EPYC: variants seen among roughly 807,000 people sequenced by gnomAD.
EPYC encodes the protein dermatan sulfate proteoglycan 3.
In EPYC, 28 loss-of-function variants were observed where a neutral mutation model predicts 30.1. That is an observed-to-expected ratio of 0.93 (90% CI 0.69 to 1.28). The LOEUF is 1.28. EPYC is among the 50% of genes most tolerant of loss of function. EPYC has a pLI of 0.00. For missense variants in EPYC, 382 were observed against 383.5 expected (o/e 1.00, Z 0.03); for synonymous variants, 144 against 141.4 (o/e 1.02, Z -0.13).
intron 6 of EPYC, among the ~76,000 whole-genome samples, chr12:90,968,940 G>A (rs1166625964): frequency 6.6e-6 from 1 of 150,972 alleles, no homozygotes; most frequent in South Asian, 2.1e-4. Flanking sequence ...TATACAATAG[G>A]CAAGTAAACA....
chr12:91,004,023 C>A (rs1207774990), intron 1 of EPYC, among the ~76,000 whole-genome samples: 1 of 152,068 alleles, frequency 6.6e-6, no homozygotes, highest in Non-Finnish European at 1.5e-5. Flanking sequence ...TTGCAGAAGT[C>A]TTTGCAGGAT....
At chr12:90,970,700 C>T (rs1001457389) in intron 5 of EPYC, among the ~76,000 whole-genome samples, 10 of 152,208 alleles carry the variant, frequency 6.6e-5, no homozygotes, top group African/African-American at 2.4e-4. Flanking sequence ...GCAGACTAGA[C>T]TATGACCCTT....
At chr12:90,982,870 G>A (rs997231256) in intron 2 of EPYC, among the ~76,000 whole-genome samples, 1 of 152,006 alleles carries the variant, frequency 6.6e-6, no homozygotes, top group African/African-American at 2.4e-5. Flanking sequence ...ATACCACATT[G>A]TATTTATCCA....
At chr12:90,984,398 C>T (rs1315157202) in intron 2 of EPYC, among the ~76,000 whole-genome samples, 1 of 152,148 alleles carries the variant, frequency 6.6e-6, no homozygotes, top group Non-Finnish European at 1.5e-5. Context: ...CAGGCATCAA[C>T]AGGCTCACCC....
intron 2 of EPYC, among the ~76,000 whole-genome samples, chr12:91,000,519 G>T (rs1920751): frequency 0.81 from 123,729 of 151,942 alleles, 50,677 homozygotes; most frequent in Non-Finnish European, 0.87. Flanking sequence ...TAAGGAATGG[G>T]TTAAAAGAGC....
At chr12:90,965,380 T>A (rs917938037) in intron 6 of EPYC, among the ~76,000 whole-genome samples, 2 of 152,310 alleles carry the variant, frequency 1.3e-5, no homozygotes, top group East Asian at 3.9e-4. Flanking sequence ...TACTTAGATG[T>A]TGAATTGCTG....
intron 2 of EPYC, 146 bp downstream of exon 2, chr12:91,002,255 T>C (rs896026353): frequency 5.2e-6 from 3 of 577,574 alleles, no homozygotes; most frequent in East Asian, 3.3e-5. Context: ...AGATTGAACA[T>C]GTTTTGGAGA....
chr12:90,995,228 C>G (rs1255285584), intron 2 of EPYC, among the ~76,000 whole-genome samples: 1 of 152,080 alleles, frequency 6.6e-6, no homozygotes. Context: ...TTTGGCAAAG[C>G]TTGCTCAATC....
In EPYC at chr12:90,978,265, GAAAA is replaced by G. The variant is rs66600255; in HGVS notation, c.166-7_166-4del. ...GGCATCACTGTGGCTATTTCAATCT[GAAAA>G]AAAAAAAAAAAAGAGAATTTCTTCA... is the stretch of plus-strand genomic sequence containing the variant. On this transcript the variant is annotated splice_polypyrimidine_tract_variant and splice_region_variant and intron_variant, in intron 2 of 6. Coordinates refer to ENST00000261172, the MANE Select transcript of EPYC (RefSeq NM_004950.5). The G allele has an allele frequency of 2.1e-4, 285 of 1,354,240 alleles. No homozygotes were observed. Among genetic ancestry groups the G allele is most frequent in the Admixed American group, 8.5e-4 (32 of 37,758 alleles). 83.9% of individuals were successfully genotyped at this position (1,354,240 alleles called of 1,614,324 possible).
chr12:90,964,040 G>T lies in EPYC; in HGVS notation c.*116C>A. On this transcript the variant is annotated 3_prime_UTR_variant, in exon 7 of 7. Transcript: ENST00000261172. ...AACATTTTTAATTGTATTTTATGTA[G>T]TCATATCATCTCTCAGAACACAATC... is the stretch of plus-strand genomic sequence containing the variant. The T allele has an allele frequency of 8.1e-6, 6 of 738,802 alleles. No individual in the cohort carries two copies. The highest frequency in any genetic ancestry group is 1.1e-5 in the Non-Finnish European group (5 of 466,302). 45.8% of individuals were successfully genotyped at this position (738,802 alleles called of 1,614,324 possible).
intron 2 of EPYC, among the ~76,000 whole-genome samples, chr12:91,001,737 C>T (rs1225138972): frequency 1.3e-5 from 2 of 152,030 alleles, no homozygotes; most frequent in Non-Finnish European, 2.9e-5. Flanking sequence ...CATCTTTCTC[C>T]TTTACCCCAA....
Position 90,963,766 on chromosome 12 carries a change from A to G in EPYC, c.*390T>C, listed in dbSNP as rs929734827. The G allele has an allele frequency of 6.5e-6, 1 of 153,696 alleles. No homozygotes were observed. The highest frequency in any genetic ancestry group is 2.4e-5 in the African/African-American group (1 of 41,526). The allele number at this position is 153,696 out of a possible 1,614,324, so 9.5% of individuals were successfully genotyped here. A position where few individuals can be genotyped will look rare whatever the true frequency, so the allele number is the denominator to read the frequency against. On this transcript the variant is annotated 3_prime_UTR_variant, in exon 7 of 7. Transcript: ENST00000261172. ...ATGCTTTAGTGAAAAAAAAAGGAAGAGAAAAGTTTAATTAAAAACATCTAA... is the reference window on the plus strand; with the variant it reads ...ATGCTTTAGTGAAAAAAAAAGGAAGGGAAAAGTTTAATTAAAAACATCTAA...
At chr12:90,995,175 T>A (rs2120860514) in intron 2 of EPYC, among the ~76,000 whole-genome samples, 1 of 152,248 alleles carries the variant, frequency 6.6e-6, no homozygotes, top group South Asian at 2.1e-4. Context: ...AAGCTGTATC[T>A]TAAGTTCTAT....
At chr12:91,004,304 C>T (rs1388742334) in intron 1 of EPYC, among the ~76,000 whole-genome samples, 4 of 152,010 alleles carry the variant, frequency 2.6e-5, no homozygotes, top group Non-Finnish European at 4.4e-5. Context: ...TTGCATCACT[C>T]CTAGAGCTAT....
In EPYC at chr12:90,970,096, A is replaced by T. The variant is rs150809530; in HGVS notation, c.746T>A (p.Leu249Ter). 105 of 1,613,910 alleles carry T rather than the reference A, an allele frequency of 6.5e-5. No individual in the cohort carries two copies. Among genetic ancestry groups the T allele is most frequent in the Middle Eastern group, 1.6e-4 (1 of 6,080 alleles). The change falls in exon 6 of 7, where the codon TTG becomes TAG. Residue 249 changes from leucine to a stop codon, truncating the protein, a stop_gained. Transcript: ENST00000261172. LOFTEE classifies it high-confidence loss of function. ...TGGGAGTGGCAGAGGGATGTGGTCC[A>T]AGTTGTTATCAGTGAGGTACAGATG... The part of the protein sequence containing the change: ...LHHLYLTDNN[L>*]DHIPLPLPEN...
intron 2 of EPYC, among the ~76,000 whole-genome samples, chr12:90,983,744 G>A (rs1021891730): frequency 1.3e-5 from 2 of 152,122 alleles, no homozygotes; most frequent in East Asian, 1.9e-4. Context: ...TCTTCTCTGA[G>A]GCTAGTCCTG....
At chr12:90,971,472 C>T (rs1167919085) in intron 5 of EPYC, among the ~76,000 whole-genome samples, 2 of 151,938 alleles carry the variant, frequency 1.3e-5, no homozygotes, top group African/African-American at 4.8e-5. Context: ...GAGTTCGACA[C>T]CAGCCTAGGA....
rs138373628 is a variant in EPYC at position 90,964,161 on chromosome 12, C to G, written c.964G>C (p.Val322Leu). Residue 322 changes from valine to leucine, a missense_variant, in exon 7 of 7, where the codon GTC (valine) becomes CTC (leucine). By Grantham distance (32) the Val-to-Leu change is conservative. Coordinates refer to ENST00000261172, the MANE Select transcript of EPYC (RefSeq NM_004950.5). Reference protein sequence around the residue: ...CLPRLPVGSLV With the variant: ...CLPRLPVGSLL ...ATGCTAACCATTATCTGAAATTAGA[C>G]AAGGCTCCCAACAGGCAGACGAGGT... 3.7e-4 allele frequency: 593 copies of G among 1,610,210 alleles called. No individual in the cohort carries two copies. The highest frequency in any genetic ancestry group is 4.8e-4 in the Non-Finnish European group (569 of 1,177,690).
At chr12:90,968,300 A>G (rs1876951104) in intron 6 of EPYC, among the ~76,000 whole-genome samples, 1 of 152,204 alleles carries the variant, frequency 6.6e-6, no homozygotes, top group South Asian at 2.1e-4. Flanking sequence ...ATGCTTTATA[A>G]ACATTGTTTC....
Sources: gnomAD v4.1 joint callset for allele counts (sites outside exome capture counted in the v4.1 genomes callset) on GRCh38, gnomAD v4.1.1 for gene constraint, MANE v1.5 for transcripts, NCBI Gene and HGNC (gene_info 2026-07-23, HGNC 2026-07-21) for gene names.